The following FBXO24 variants were observed in gnomAD, a reference collection of about 807,000 sequenced individuals.
The protein encoded by FBXO24 is F-box only protein 24.
A neutral mutation model predicts 63.5 loss-of-function variants in FBXO24; 30 were observed. The ratio of observed to expected loss-of-function variants is 0.47; its 90% CI spans 0.35 to 0.64. FBXO24 has a LOEUF of 0.64. FBXO24 is among the 30% of genes least tolerant of loss of function. The probability of loss-of-function intolerance (pLI) is 0.00; values close to 1 mark genes in which losing one functional copy is unlikely to be tolerated. For missense variants in FBXO24, 624 were observed against 763.4 expected (o/e 0.82, Z 2.15); for synonymous variants, 300 against 305.0 (o/e 0.98, Z 0.17).
In FBXO24 at chr7:100,594,447, G is replaced by A. The variant is rs144974094; in HGVS notation, c.858G>A (p.Thr286=). The change falls in exon 6 of 10, where the codon ACG becomes ACA. Residue 286 remains threonine, a synonymous_variant. Coordinates refer to ENST00000241071, the MANE Select transcript of FBXO24 (RefSeq NM_033506.3). The surrounding 1 kb of genome is among the most constrained non-coding windows in gnomAD (Gnocchi z 4.2). ...ETQLDQPRSY[T]VQLALRKVSH... Reference sequence around the variant, plus strand: ...AGCTTGACCAGCCACGCTCCTACACGGTTCAGCTGGCCCTGAGGAAGGTGT... The same window carrying A: ...AGCTTGACCAGCCACGCTCCTACACAGTTCAGCTGGCCCTGAGGAAGGTGT... 1.9e-3 allele frequency: 3,009 copies of A among 1,613,654 alleles called. 7 individuals are homozygous for A. Among genetic ancestry groups the A allele is most frequent in the Non-Finnish European group, 2.3e-3 (2,676 of 1,179,762 alleles).
At chr7:100,597,383 ATTTATT>A (rs896204495) in intron 8 of FBXO24, among the ~76,000 whole-genome samples, 5 of 152,220 alleles carry the variant, frequency 3.3e-5, no homozygotes, top group East Asian at 1.9e-4. Context: ...ACATAGTACC[ATTTATT>A]TTTATTTTTA....
intron 8 of FBXO24, among the ~76,000 whole-genome samples, chr7:100,596,370 G>A (rs1018524871): frequency 4.6e-5 from 7 of 152,194 alleles, no homozygotes; most frequent in African/African-American, 1.4e-4. Flanking sequence ...TGAGGAGGGG[G>A]ATAGGCACGA....
At chr7:100,591,031 A>ATTTTTTTTTTT (rs930978218) in intron 3 of FBXO24, among the ~76,000 whole-genome samples, 9 of 86,680 alleles carry the variant, frequency 1.0e-4, no homozygotes, top group Non-Finnish European at 1.5e-4. Context: ...TTTTTCTTTG[A>ATTTTTTTTTTT]TTTTTTTTTT....
intron 5 of FBXO24, 145 bp downstream of exon 5, chr7:100,593,162 TG>T (rs1802115971): frequency 1.6e-6 from 1 of 633,024 alleles, no homozygotes. Context: ...TGCCCTTCTC[TG>T]TCTCCTAGTC....
chr7:100,589,810 G>A (rs1440769452), intron 1 of FBXO24, 167 bp from the exon 2 acceptor site: 6 of 1,513,750 alleles, frequency 4.0e-6, no homozygotes, highest in East Asian at 2.4e-5. Context: ...GGGATTGGCC[G>A]CAGGAGATCG....
chr7:100,599,834 G>A (rs1206787723), intron 8 of FBXO24, 197 bp from the exon 9 acceptor site: 2 of 608,296 alleles, frequency 3.3e-6, no homozygotes, highest in Non-Finnish European at 5.8e-6. Flanking sequence ...CAACAGAAGT[G>A]CAAGACCCTA....
Position 100,586,490 on chromosome 7 carries a change from G to C in FBXO24, c.-136G>C. 1 of 886,848 alleles carries C rather than the reference G, an allele frequency of 1.1e-6. No homozygotes were observed. Among genetic ancestry groups the C allele is most frequent in the Non-Finnish European group, 1.8e-6 (1 of 548,120 alleles). The allele number at this position is 886,848 out of a possible 1,614,324, so 54.9% of individuals were successfully genotyped here. On this transcript the variant is annotated 5_prime_UTR_variant, in exon 1 of 10. Transcript: ENST00000241071. Reference sequence around the variant, plus strand: ...ACGGGCCGAGGGACCGCAAGCAGGGGGTGCCTAGTCCTCGTCCCCCAAAGA... The same window carrying C: ...ACGGGCCGAGGGACCGCAAGCAGGGCGTGCCTAGTCCTCGTCCCCCAAAGA...
Position 100,600,393 on chromosome 7 carries a change from A to G in FBXO24, c.1378-141A>G, listed in dbSNP as rs971304979. 2.0e-4 allele frequency: 298 copies of G among 1,470,284 alleles called. No homozygotes were observed. Among genetic ancestry groups the G allele is most frequent in the Non-Finnish European group, 2.3e-4 (253 of 1,096,020 alleles). 91.1% of individuals were successfully genotyped at this position (1,470,284 alleles called of 1,614,324 possible). A position where few individuals can be genotyped will look rare whatever the true frequency, so the allele number is the denominator to read the frequency against. Reference sequence around the variant, plus strand: ...TAGCAGACTGTGCTGGCCTTGCCCAACCTCACACACCCCTGGGACTTAGCC... The same window carrying G: ...TAGCAGACTGTGCTGGCCTTGCCCAGCCTCACACACCCCTGGGACTTAGCC... On this transcript the variant is annotated intron_variant, in intron 9 of 9. Transcript: ENST00000241071. This position sits in a 1 kb window ranked among gnomAD's most constrained non-coding sequence, Gnocchi z 6.3.
intron 5 of FBXO24, among the ~76,000 whole-genome samples, chr7:100,593,909 C>T (rs948875320): frequency 6.6e-6 from 1 of 152,076 alleles, no homozygotes; most frequent in Non-Finnish European, 1.5e-5. Flanking sequence ...CAACCACATC[C>T]CCAGGCCTGA....
At position 100,600,196 on chromosome 7, in the gene FBXO24, GT is replaced by G. The variant is rs1802522552; in HGVS notation, c.1373del (p.Val458AlafsTer82). 2 of 1,559,046 alleles carry G rather than the reference GT, an allele frequency of 1.3e-6. No individual in the cohort carries two copies. Among genetic ancestry groups the G allele is most frequent in the Non-Finnish European group, 1.7e-6 (2 of 1,150,926 alleles). ...KGSASFVKLQVKVPLCACALC... is the reference protein window; with the variant it reads ...KGSASFVKLQXKVPLCACALC... Reference sequence around the variant, plus strand: ...GAGTGCCTCCTTCGTCAAGCTCCAAGTCAAGGTCAGAGCGGGGTCAGGAGAG... The same window carrying G: ...GAGTGCCTCCTTCGTCAAGCTCCAAGCAAGGTCAGAGCGGGGTCAGGAGAG... On this transcript the variant is annotated frameshift_variant, in exon 9 of 10. Transcript: ENST00000241071. LOFTEE classifies it high-confidence loss of function. The surrounding 1 kb of genome is among the most constrained non-coding windows in gnomAD (Gnocchi z 6.3).
chr7:100,593,547 G>A (rs1260412871), intron 5 of FBXO24, among the ~76,000 whole-genome samples: 2 of 150,368 alleles, frequency 1.3e-5, no homozygotes, highest in African/African-American at 4.9e-5. Context: ...AGAATCCCTT[G>A]AACCCAGGAG....
rs1562824357 is a variant in FBXO24 at position 100,600,810 on chromosome 7, C to T, written c.1654C>T (p.Gln552Ter). 1 of 1,614,170 alleles carries T rather than the reference C, an allele frequency of 6.2e-7. No individual in the cohort carries two copies. The highest frequency in any genetic ancestry group is 2.2e-5 in the East Asian group (1 of 44,874). The part of the protein sequence containing the change: ...IVGWMPLMAA[Q>*]KDFFWEALDM... ...AGGGTGGATGCCCCTGATGGCCGCA[C>T]AGAAGGACTTCTTCTGGGAGGCCCT... Residue 552 changes from glutamine to a stop codon, truncating the protein, a stop_gained, in exon 10 of 10, where the codon CAG becomes TAG. Transcript: ENST00000241071. LOFTEE classifies it high-confidence loss of function. This position sits in a 1 kb window ranked among gnomAD's most constrained non-coding sequence, Gnocchi z 6.3.
chr7:100,594,691 C>A lies in FBXO24; in HGVS notation c.952+150C>A. ...TTAGGGCCGGCATGGTGACTCATGC[C>A]TGTAATCCCATCACTTTGGGAAACC... On this transcript the variant is annotated intron_variant, in intron 6 of 9. Coordinates refer to ENST00000241071, the MANE Select transcript of FBXO24 (RefSeq NM_033506.3). This position sits in a 1 kb window ranked among gnomAD's most constrained non-coding sequence, Gnocchi z 4.2. The A allele has an allele frequency of 1.0e-6, 1 of 956,860 alleles. No homozygotes were observed. The highest frequency in any genetic ancestry group is 1.5e-6 in the Non-Finnish European group (1 of 684,148). The allele number at this position is 956,860 out of a possible 1,614,324, so 59.3% of individuals were successfully genotyped here.
In FBXO24 at chr7:100,592,974, G is replaced by A; in HGVS notation, c.750G>A (p.Val250=). Residue 250 remains valine, a synonymous_variant, in exon 5 of 10, where the codon GTG becomes GTA. Coordinates refer to ENST00000241071, the MANE Select transcript of FBXO24 (RefSeq NM_033506.3). ...FHHSMTFKQI[V]LVGQETQRAL... ...ACTCAATGACCTTCAAGCAGATCGT[G>A]CTGGTTGGTCAGGAGACCCAGCGGG... is the stretch of plus-strand genomic sequence containing the variant. 6.2e-7 allele frequency: 1 copy of A among 1,614,168 alleles called. No individual in the cohort carries two copies. The highest frequency in any genetic ancestry group is 8.5e-7 in the Non-Finnish European group (1 of 1,180,034).
At chr7:100,589,394 T>A (rs1022948998) in intron 1 of FBXO24, 6 of 1,187,642 alleles carry the variant, frequency 5.1e-6, no homozygotes, top group East Asian at 3.7e-5. Context: ...GAAATAAAGA[T>A]GTCACCTACC....
Position 100,586,527 on chromosome 7 carries a change from C to A in FBXO24, c.-99C>A. ...TCGTCCCCCAAAGACCAATCGTAAG[C>A]CAGATACAGGCGAGTGACTGTCAAG... On this transcript the variant is annotated 5_prime_UTR_variant, in exon 1 of 10. Transcript: ENST00000241071. The A allele has an allele frequency of 7.8e-7, 1 of 1,285,658 alleles. No homozygotes were observed. Among genetic ancestry groups the A allele is most frequent in the Non-Finnish European group, 1.1e-6 (1 of 887,826 alleles). The allele number at this position is 1,285,658 out of a possible 1,614,324, so 79.6% of individuals were successfully genotyped here.
At position 100,594,118 on chromosome 7, in the gene FBXO24, C is replaced by G. The variant is rs1562819099; in HGVS notation, c.794-265C>G. ...AAACTTCTGAATGCCAGGCAGGGCC[C>G]TCAATCCCCAGACCTCTCACTCAAA... On this transcript the variant is annotated intron_variant, in intron 5 of 9. Transcript: ENST00000241071. This position sits in a 1 kb window ranked among gnomAD's most constrained non-coding sequence, Gnocchi z 4.2. Among the ~76,000 whole-genome samples the G allele has an allele frequency of 6.6e-6, 1 of 152,230 alleles. No homozygotes were observed. Among genetic ancestry groups the G allele is most frequent in the East Asian group, 1.9e-4 (1 of 5,186 alleles).
chr7:100,587,954 TGCAGTGGCTTGATCGCA>T (rs1463642420), intron 1 of FBXO24, among the ~76,000 whole-genome samples: 3 of 151,732 alleles, frequency 2.0e-5, no homozygotes, highest in Non-Finnish European at 4.4e-5. Flanking sequence ...CAGGCTGGAG[TGCAGTGGCTTGATCGCA>T]GCTCACTGCA....
In FBXO24 at chr7:100,594,400, T is replaced by C. The variant is rs139517616; in HGVS notation, c.811T>C (p.Ser271Pro). 22 of 1,612,044 alleles carry C rather than the reference T, an allele frequency of 1.4e-5. No homozygotes were observed. Among genetic ancestry groups the C allele is most frequent in the Admixed American group, 6.7e-5 (4 of 59,608 alleles). ...ACCCCCAGAGGAAGGAAAGATCTAC[T>C]CTTTGGTAGTGAATGAGACCCAGCT... is the stretch of plus-strand genomic sequence containing the variant. Reference protein sequence around the residue: ...LLLTEEGKIYSLVVNETQLDQ... With the variant: ...LLLTEEGKIYPLVVNETQLDQ... The change falls in exon 6 of 10, where the codon TCT (serine) becomes CCT (proline). Residue 271 changes from serine to proline, a missense_variant. Ser to Pro is a moderately conservative substitution (Grantham distance 74). This residue lies in a region of FBXO24 where 391 missense variants were observed against 469.1 expected (regional missense o/e 0.83). Coordinates refer to ENST00000241071, the MANE Select transcript of FBXO24 (RefSeq NM_033506.3). The surrounding 1 kb of genome is among the most constrained non-coding windows in gnomAD (Gnocchi z 4.2).
Sources: gnomAD v4.1 joint callset for allele counts (sites outside exome capture counted in the v4.1 genomes callset) on GRCh38, gnomAD v4.1.1 for gene constraint, gnomAD v4.1.1 regional missense constraint, Gnocchi (gnomAD v3.1) non-coding constraint, MANE v1.5 for transcripts, NCBI Gene and HGNC (gene_info 2026-07-23, HGNC 2026-07-21) for gene names.